The following DNMT1 variants were observed in gnomAD, a reference collection of about 807,000 sequenced individuals.
DNMT1 encodes the protein DNA (cytosine-5)-methyltransferase 1.
In DNMT1, 24 loss-of-function variants were observed where a neutral mutation model predicts 205.3. That is an observed-to-expected ratio of 0.12 (90% CI 0.08 to 0.16). The LOEUF is 0.16. DNMT1 is among the 10% of genes least tolerant of loss of function. The probability of loss-of-function intolerance (pLI) is 1.00; values close to 1 mark genes in which losing one functional copy is unlikely to be tolerated. For synonymous variants in DNMT1, 817 were observed against 839.8 expected, an observed-to-expected ratio of 0.97 and a Z score of 0.47; for missense variants, 1,293 against 2,177.7, an observed-to-expected ratio of 0.59 and a Z score of 8.09.
Position 10,140,013 on chromosome 19 carries a change from T to G in DNMT1, c.3806+33A>C, listed in dbSNP as rs1297355489. ...TGACATGCGGCACAGCCCCGGGCCG[T>G]CTGGCAACACTGGGGGGCTTCTACC... On this transcript the variant is annotated intron_variant, in intron 33 of 40. Transcript: ENST00000359526. This position sits in a 1 kb window ranked among gnomAD's most constrained non-coding sequence, Gnocchi z 8.4. 6.2e-7 allele frequency: 1 copy of G among 1,603,630 alleles called. No individual in the cohort carries two copies. The highest frequency in any genetic ancestry group is 8.5e-7 in the Non-Finnish European group (1 of 1,179,982).
rs2038349310 is a variant in DNMT1, at chr19:10,151,859, C to A, written c.2020-12G>T. The A allele has an allele frequency of 3.1e-6, 5 of 1,613,508 alleles. No individual in the cohort carries two copies. Among genetic ancestry groups the A allele is most frequent in the Non-Finnish European group, 3.4e-6 (4 of 1,179,762 alleles). Reference sequence around the variant, plus strand: ...GGCTGCTGACACACCTAAAAAATGGCATTAAAAAGGCAAATCAGGGCTGGG... The same window carrying A: ...GGCTGCTGACACACCTAAAAAATGGAATTAAAAAGGCAAATCAGGGCTGGG... On this transcript the variant is annotated splice_polypyrimidine_tract_variant and intron_variant, in intron 22 of 40. Transcript: ENST00000359526. This position sits in a 1 kb window ranked among gnomAD's most constrained non-coding sequence, Gnocchi z 5.0.
At chr19:10,194,720 G>A (rs1188280750) in intron 1 of DNMT1, 100 bp downstream of exon 1, 3 of 1,448,584 alleles carry the variant, frequency 2.1e-6, no homozygotes, top group African/African-American at 1.5e-5. Flanking sequence ...ATGCGCGCCC[G>A]TCTGTCAGCA....
chr19:10,146,829 C>A lies in DNMT1; in HGVS notation c.2721-305G>T, dbSNP rs1368848498. 6.6e-6 allele frequency among the ~76,000 whole-genome samples: 1 copy of A among 152,172 alleles called. No homozygotes were observed. Among genetic ancestry groups the A allele is most frequent in the Non-Finnish European group, 1.5e-5 (1 of 68,028 alleles). ...AAGAACACACCACGAGCAACAGTCC[C>A]GAGTGGCTCAGTGAGGAACTCAATC... On this transcript the variant is annotated intron_variant, in intron 27 of 40. Transcript: ENST00000359526. The surrounding 1 kb of genome is among the most constrained non-coding windows in gnomAD (Gnocchi z 4.4).
rs535251611 is a variant in DNMT1, at chr19:10,176,139, G to A, written c.570-521C>T. Among the ~76,000 whole-genome samples, 3 of 150,828 alleles carry A rather than the reference G, an allele frequency of 2.0e-5. No homozygotes were observed. In the South Asian group the frequency reaches 6.3e-4, roughly 31 times the overall value. On this transcript the variant is annotated intron_variant, in intron 6 of 40. Transcript: ENST00000359526. ...GCCGAAATCATGCCACTGCACTCCA[G>A]CCTGGGCTACAGAGCAAGACTCCGT...
chr19:10,135,153 C>T (rs1406348618), intron 39 of DNMT1, among the ~76,000 whole-genome samples: 2 of 142,020 alleles, frequency 1.4e-5, no homozygotes, highest in Non-Finnish European at 3.0e-5. Context: ...GTGGAAGTTG[C>T]GGTGAGCTGA....
chr19:10,154,106 A>G lies in DNMT1; in HGVS notation c.2019+187T>C, dbSNP rs878977467. Among the ~76,000 whole-genome samples the G allele has an allele frequency of 6.6e-6, 1 of 152,148 alleles. No homozygotes were observed. The highest frequency in any genetic ancestry group is 1.5e-5 in the Non-Finnish European group (1 of 68,018). On this transcript the variant is annotated intron_variant, in intron 22 of 40. Coordinates refer to ENST00000359526, the MANE Select transcript of DNMT1 (RefSeq NM_001130823.3). This position sits in a 1 kb window ranked among gnomAD's most constrained non-coding sequence, Gnocchi z 6.3. Reference sequence around the variant, plus strand: ...AAAGCACCCAAGCATGCCTCTGTGGACATCTGTCCTATTGACGTTCAATGA... The same window carrying G: ...AAAGCACCCAAGCATGCCTCTGTGGGCATCTGTCCTATTGACGTTCAATGA...
chr19:10,180,685 G>T, intron 3 of DNMT1, 93 bp downstream of exon 3: 1 of 1,470,736 alleles, frequency 6.8e-7, no homozygotes, highest in Non-Finnish European at 9.5e-7. Context: ...CAGGCAATGA[G>T]GACAGCTGGG....
chr19:10,180,727 T>C (rs1398599289), intron 3 of DNMT1, 51 bp downstream of exon 3: 1 of 1,569,432 alleles, frequency 6.4e-7, no homozygotes, highest in South Asian at 1.1e-5. Flanking sequence ...ACAGACAAGT[T>C]ACTAGGAGGA....
rs576487233 is a variant in DNMT1, at chr19:10,148,727, C to T, written c.2720+157G>A. Among the ~76,000 whole-genome samples the T allele has an allele frequency of 5.3e-5, 8 of 152,300 alleles. No homozygotes were observed. In the South Asian group the frequency reaches 1.7e-3, roughly 32 times the overall value. On this transcript the variant is annotated intron_variant, in intron 27 of 40. Transcript: ENST00000359526. ...TTAAAGCAACTCCAGGCCATCTACA[C>T]ACTTGAGCATCATTCATAGTCAGGC...
At chr19:10,168,852 T>G (rs997721399) in intron 9 of DNMT1, among the ~76,000 whole-genome samples, 1 of 152,176 alleles carries the variant, frequency 6.6e-6, no homozygotes, top group Admixed American at 6.6e-5. Context: ...ATTTATTTAT[T>G]TATGAGACGG....
chr19:10,187,928 A>C (rs968132608), intron 1 of DNMT1, among the ~76,000 whole-genome samples: 1 of 152,102 alleles, frequency 6.6e-6, no homozygotes, highest in Non-Finnish European at 1.5e-5. Context: ...GGATCAATAG[A>C]GCTCAGGAAT....
chr19:10,137,667 A>G lies in DNMT1; in HGVS notation c.4293+165T>C. ...GACTGCGGGAGCTCTGACACTTCCCATGACCATGCAAGAGAGACCAGGGGT... is the reference window on the plus strand; with the variant it reads ...GACTGCGGGAGCTCTGACACTTCCCGTGACCATGCAAGAGAGACCAGGGGT... On this transcript the variant is annotated intron_variant, in intron 36 of 40. Coordinates refer to ENST00000359526, the MANE Select transcript of DNMT1 (RefSeq NM_001130823.3). The surrounding 1 kb of genome is among the most constrained non-coding windows in gnomAD (Gnocchi z 6.4). The G allele has an allele frequency of 9.8e-7, 1 of 1,017,452 alleles. No individual in the cohort carries two copies. The highest frequency in any genetic ancestry group is 1.5e-6 in the Non-Finnish European group (1 of 682,398). 63.0% of individuals were successfully genotyped at this position (1,017,452 alleles called of 1,614,324 possible).
intron 1 of DNMT1, among the ~76,000 whole-genome samples, chr19:10,185,781 G>T (rs1599405076): frequency 6.7e-6 from 1 of 148,926 alleles, no homozygotes; most frequent in Non-Finnish European, 1.5e-5. Flanking sequence ...AGTGAGTTAT[G>T]ATGGTACCAC....
rs1400122180 is a variant in DNMT1, at chr19:10,182,415, GTGTATATATATGTGTGTATATATATACA to G, written c.81-366_81-339del. Among the ~76,000 whole-genome samples the G allele has an allele frequency of 5.3e-4, 31 of 58,146 alleles. 1 individual carries two copies. In the South Asian group the frequency reaches 0.014, roughly 27 times the overall value. 38.1% of individuals were successfully genotyped at this position (58,146 alleles called of 152,430 possible). A position where few individuals can be genotyped will look rare whatever the true frequency, so the allele number is the denominator to read the frequency against. On this transcript the variant is annotated intron_variant, in intron 1 of 40. Coordinates refer to ENST00000359526, the MANE Select transcript of DNMT1 (RefSeq NM_001130823.3). ...TATGTGTATATATATACATATATAT[GTGTATATATATGTGTGTATATATATACA>G]TATATATGTGTATATATATGTGTGT...
At chr19:10,175,650 G>A in intron 6 of DNMT1, 32 bp from the exon 7 acceptor site, 1 of 1,611,294 alleles carries the variant, frequency 6.2e-7, no homozygotes, top group Non-Finnish European at 8.5e-7. Context: ...ACCATTAGTG[G>A]AACAAGACCC....
chr19:10,171,324 C>T (rs1381472171), intron 9 of DNMT1, among the ~76,000 whole-genome samples: 3 of 152,044 alleles, frequency 2.0e-5, no homozygotes, highest in South Asian at 2.1e-4. Flanking sequence ...ACCAAGATCT[C>T]GTCAGCCAGA....
intron 1 of DNMT1, among the ~76,000 whole-genome samples, chr19:10,183,460 T>A (rs1280471449): frequency 6.6e-6 from 1 of 152,086 alleles, no homozygotes; most frequent in Admixed American, 6.6e-5. Context: ...TGGCTCACGC[T>A]TATAATCCCA....
In DNMT1 at chr19:10,146,612, T is replaced by C. The variant is rs2038209874; in HGVS notation, c.2721-88A>G. ...TACTGCCAGCTTAATCCAGAGACTC[T>C]GGTAACCAAGAGGAAAAAACATTTG... On this transcript the variant is annotated intron_variant, in intron 27 of 40. Coordinates refer to ENST00000359526, the MANE Select transcript of DNMT1 (RefSeq NM_001130823.3). The surrounding 1 kb of genome is among the most constrained non-coding windows in gnomAD (Gnocchi z 4.4). 6.5e-7 allele frequency: 1 copy of C among 1,549,200 alleles called. No homozygotes were observed. The highest frequency in any genetic ancestry group is 8.8e-7 in the Non-Finnish European group (1 of 1,135,220).
chr19:10,182,213 C>T (rs571952598), intron 1 of DNMT1, 136 bp from the exon 2 acceptor site: 3 of 853,838 alleles, frequency 3.5e-6, no homozygotes, highest in Non-Finnish European at 5.8e-6. Context: ...ACTAAGCTGG[C>T]TTTTGTCTCC....
Sources: allele counts gnomAD v4.1 joint callset (sites outside exome capture counted in the v4.1 genomes callset), GRCh38; gene constraint gnomAD v4.1.1; non-coding constraint Gnocchi (gnomAD v3.1); transcripts MANE v1.5; gene names NCBI Gene and HGNC (gene_info 2026-07-23, HGNC 2026-07-21).